Variants in ANK2 observed in about 807,000 individuals in gnomAD.
ANK2 encodes the protein ankyrin-2.
A neutral mutation model predicts 360.5 loss-of-function variants in ANK2; 83 were observed. The observed-to-expected ratio is 0.23, with a 90% CI of 0.19 to 0.28. The LOEUF (loss-of-function observed/expected upper bound fraction) is 0.28, where lower values mean the gene tolerates loss of function less well. Among genes scored for constraint, ANK2 ranks in the 10% least tolerant of loss-of-function variants. ANK2 has a pLI of 1.00. For synonymous variants in ANK2, 1,740 were observed against 1,759.5 expected (o/e 0.99, Z 0.28); for missense variants, 4,201 against 4,795.7 (o/e 0.88, Z 3.66).
intron 1 of ANK2, among the ~76,000 whole-genome samples, chr4:112,852,263 G>A (rs1467849754): frequency 6.6e-6 from 1 of 152,158 alleles, no homozygotes; most frequent in African/African-American, 2.4e-5. Context: ...TGCCTGAAAA[G>A]CAAACCCTTG....
intron 3 of ANK2, among the ~76,000 whole-genome samples, chr4:113,196,816 C>G (rs2098754732): frequency 6.6e-6 from 1 of 152,158 alleles, no homozygotes; most frequent in Non-Finnish European, 1.5e-5. Context: ...CACACCTCAC[C>G]CACTTAAAGC....
At chr4:113,188,048 C>T (rs770844090) in intron 2 of ANK2, among the ~76,000 whole-genome samples, 28 of 152,072 alleles carry the variant, frequency 1.8e-4, no homozygotes, top group Non-Finnish European at 3.1e-4. Flanking sequence ...TAAAAGGAGA[C>T]GATTGGGTCC....
intron 45 of ANK2, among the ~76,000 whole-genome samples, chr4:113,381,114 A>G (rs1422732187): frequency 6.6e-6 from 1 of 152,220 alleles, no homozygotes; most frequent in Admixed American, 6.5e-5. Flanking sequence ...AACTCTATTA[A>G]GTAAGGGCTA....
chr4:113,309,851 CAG>C (rs1294499644), intron 23 of ANK2, among the ~76,000 whole-genome samples: 2 of 152,102 alleles, frequency 1.3e-5, no homozygotes, highest in African/African-American at 4.8e-5. Context: ...GTCTTGTCAC[CAG>C]AGTCATAAAA....
chr4:112,956,600 G>C (rs943414685), intron 2 of ANK2, among the ~76,000 whole-genome samples: 12 of 152,230 alleles, frequency 7.9e-5, no homozygotes, highest in Non-Finnish European at 1.3e-4. Context: ...GATAATTCAT[G>C]TCCTAAGCAG....
chr4:113,355,830 A>G lies in ANK2; in HGVS notation c.7212A>G (p.Arg2404=), dbSNP rs181064820. 1 of 1,614,110 alleles carries G rather than the reference A, an allele frequency of 6.2e-7. No individual in the cohort carries two copies. The highest frequency in any genetic ancestry group is 2.2e-5 in the East Asian group (1 of 44,864). The part of the protein sequence containing the change: ...GTESKPQGVI[R]SPQGLELALP... ...AATCAAAACCTCAGGGAGTCATTAG[A>G]AGTCCCCAAGGGTTAGAACTTGCAC... The change falls in exon 38 of 46, where the codon AGA becomes AGG. Residue 2404 remains arginine, a synonymous_variant. Coordinates refer to ENST00000357077, the MANE Select transcript of ANK2 (RefSeq NM_001148.6).
rs55847200 is a variant in ANK2, at chr4:113,145,905, G to T, written c.85-28511G>T. On this transcript the variant is annotated intron_variant, in intron 1 of 45. Coordinates refer to ENST00000357077, the MANE Select transcript of ANK2 (RefSeq NM_001148.6). ...AGCCCTCTGCTCTTCTTGCCATGCG[G>T]ATAAGAGCATAAGAGCACAAGGAAA... 5.5e-3 allele frequency: 7,062 copies of T among 1,289,812 alleles called. 29 individuals carry two copies. The highest frequency in any genetic ancestry group is 6.3e-3 in the Non-Finnish European group (6,197 of 988,844). 79.9% of individuals were successfully genotyped at this position (1,289,812 alleles called of 1,614,324 possible).
chr4:112,916,174 AACCAG>A (rs2089764500), intron 2 of ANK2, among the ~76,000 whole-genome samples: 1 of 152,248 alleles, frequency 6.6e-6, no homozygotes, highest in Non-Finnish European at 1.5e-5. Flanking sequence ...TGAATTAATA[AACCAG>A]TCACATGAAT....
chr4:112,846,818 A>G (rs2063429909), intron 1 of ANK2, among the ~76,000 whole-genome samples: 2 of 152,192 alleles, frequency 1.3e-5, no homozygotes, highest in South Asian at 4.1e-4. Context: ...CCATGAGGTC[A>G]TCAAAGAACT....
chr4:113,223,497 A>C (rs1405884952), intron 4 of ANK2, among the ~76,000 whole-genome samples: 1 of 152,202 alleles, frequency 6.6e-6, no homozygotes, highest in Non-Finnish European at 1.5e-5. Context: ...GAAAACTGGA[A>C]ATAGCACATG....
intron 1 of ANK2, among the ~76,000 whole-genome samples, chr4:112,868,815 C>T (rs902190717): frequency 4.6e-5 from 7 of 151,862 alleles, no homozygotes; most frequent in African/African-American, 1.7e-4. Flanking sequence ...ATTAACATAT[C>T]CAATATTGCC....
chr4:113,177,610 G>T (rs1260045581), intron 2 of ANK2, among the ~76,000 whole-genome samples: 1 of 152,102 alleles, frequency 6.6e-6, no homozygotes, highest in African/African-American at 2.4e-5. Flanking sequence ...AGGTCTTAGG[G>T]TTATTTTGAG....
At chr4:113,213,072 G>A (rs2099043375) in intron 4 of ANK2, among the ~76,000 whole-genome samples, 2 of 152,256 alleles carry the variant, frequency 1.3e-5, no homozygotes, top group South Asian at 4.1e-4. Flanking sequence ...TCAAGCTAAT[G>A]GGAAAAAGAA....
chr4:112,827,624 C>G (rs1287514706), intron 1 of ANK2: 1 of 835,400 alleles, frequency 1.2e-6, no homozygotes, highest in African/African-American at 1.7e-5. Flanking sequence ...TACTCTCCAT[C>G]CAGATCCTTG....
chr4:112,772,138 G>A, the ANK2 span, among the ~76,000 whole-genome samples: 1 of 152,222 alleles, frequency 6.6e-6, no homozygotes, highest in African/African-American at 2.4e-5. Context: ...AGACATACCC[G>A]AGACTGGGTA....
chr4:113,098,428 A>ACG lies in ANK2; in HGVS notation c.84+48617_84+48618insGC, dbSNP rs1562046802. 4.6e-5 allele frequency among the ~76,000 whole-genome samples: 7 copies of ACG among 151,216 alleles called. No individual in the cohort carries two copies. In the East Asian group the frequency reaches 7.8e-4, roughly 17 times the overall value. ...AAAGAGCAATAAATAAATATTATGC[A>ACG]CAACAACTAAGATGAAGTGGACTAA... On this transcript the variant is annotated intron_variant, in intron 1 of 45. Coordinates refer to ENST00000357077, the MANE Select transcript of ANK2 (RefSeq NM_001148.6).
intron 2 of ANK2, among the ~76,000 whole-genome samples, chr4:112,981,040 C>T (rs2042975502): frequency 1.3e-5 from 2 of 152,224 alleles, no homozygotes; most frequent in African/African-American, 4.8e-5. Context: ...CTTGTATACA[C>T]TTGTGTTCAC....
the ANK2 span, among the ~76,000 whole-genome samples, chr4:112,800,460 G>A: frequency 1.3e-5 from 2 of 152,096 alleles, no homozygotes; most frequent in Non-Finnish European, 2.9e-5. Flanking sequence ...ATATGATTCA[G>A]GCCCTCTGGA....
At chr4:113,361,758 C>T (rs1043167141) in intron 39 of ANK2, among the ~76,000 whole-genome samples, 6 of 151,754 alleles carry the variant, frequency 4.0e-5, no homozygotes. Flanking sequence ...TTAACTAATT[C>T]GGGGTTTTAG....
Sources: gnomAD v4.1 joint callset for allele counts (sites outside exome capture counted in the v4.1 genomes callset) on GRCh38, gnomAD v4.1.1 for gene constraint, MANE v1.5 for transcripts, NCBI Gene and HGNC (gene_info 2026-07-23, HGNC 2026-07-21) for gene names.